SLC30A8: variants seen among roughly 807,000 people sequenced by gnomAD.
SLC30A8 encodes the protein proton-coupled zinc antiporter SLC30A8.
Under a neutral mutation model 36.9 loss-of-function variants are expected in SLC30A8, and 27 were observed. That is an observed-to-expected ratio of 0.73 (90% CI 0.54 to 1.01). The LOEUF (loss-of-function observed/expected upper bound fraction) is 1.01, where lower values mean the gene tolerates loss of function less well. Ranked by LOEUF, SLC30A8 falls within the 50% of genes least tolerant of loss-of-function variation. SLC30A8 has a pLI of 0.00. For missense variants in SLC30A8, 439 were observed against 452.0 expected (o/e 0.97, Z 0.26); for synonymous variants, 164 against 172.4 (o/e 0.95, Z 0.38).
intron 2 of SLC30A8, among the ~76,000 whole-genome samples, chr8:117,095,189 C>T (rs1387772357): frequency 2.0e-5 from 3 of 152,184 alleles, no homozygotes; most frequent in African/African-American, 7.2e-5. Context: ...AGCACAGAGC[C>T]CTGGCTGTAC....
chr8:116,981,980 G>A (rs1476189155), intron 1 of SLC30A8, among the ~76,000 whole-genome samples: 3 of 152,110 alleles, frequency 2.0e-5, no homozygotes, highest in Non-Finnish European at 4.4e-5. Flanking sequence ...TGAGTTCTTT[G>A]AGAAATTGTT....
chr8:116,955,301 C>T (rs1387366700), intron 1 of SLC30A8, among the ~76,000 whole-genome samples: 1 of 152,076 alleles, frequency 6.6e-6, no homozygotes, highest in Non-Finnish European at 1.5e-5. Context: ...GACTAGTGTC[C>T]TTCTAAGAAG....
Position 117,172,908 on chromosome 8 carries a change from T to C in SLC30A8, c.*227T>C. 1.8e-6 allele frequency: 1 copy of C among 565,548 alleles called. No individual in the cohort carries two copies. The allele number at this position is 565,548 out of a possible 1,614,324, so 35.0% of individuals were successfully genotyped here. A position where few individuals can be genotyped will look rare whatever the true frequency, so the allele number is the denominator to read the frequency against. The stretch of plus-strand genomic sequence containing the variant: ...CAGTAGCTGTGTTCAATTGCAGGAA[T>C]GTGTATATAGATTATTCCTGAGTGG... On this transcript the variant is annotated 3_prime_UTR_variant, in exon 8 of 8. Coordinates refer to ENST00000456015, the MANE Select transcript of SLC30A8 (RefSeq NM_173851.3).
chr8:117,121,178 A>G (rs746706304), intron 2 of SLC30A8, among the ~76,000 whole-genome samples: 4 of 151,956 alleles, frequency 2.6e-5, no homozygotes, highest in African/African-American at 9.7e-5. Context: ...TATCTCAAAG[A>G]ATATTTGCAT....
At chr8:117,002,052 AC>A (rs1295656421) in intron 1 of SLC30A8, among the ~76,000 whole-genome samples, 1 of 152,180 alleles carries the variant, frequency 6.6e-6, no homozygotes, top group African/African-American at 2.4e-5. Flanking sequence ...TAGGGCTCAG[AC>A]CTTTGTCTGC....
At chr8:117,105,509 G>T (rs539416188) in intron 2 of SLC30A8, among the ~76,000 whole-genome samples, 2 of 152,148 alleles carry the variant, frequency 1.3e-5, no homozygotes, top group South Asian at 4.2e-4. Context: ...GTATATTAAC[G>T]AATACGCATA....
At chr8:117,014,149 A>T (rs949601134) in intron 1 of SLC30A8, among the ~76,000 whole-genome samples, 6 of 152,196 alleles carry the variant, frequency 3.9e-5, no homozygotes, top group Non-Finnish European at 8.8e-5. Context: ...ATAGGGGCAC[A>T]TGAATGCTGA....
chr8:116,977,410 C>A (rs1328931989), intron 1 of SLC30A8, among the ~76,000 whole-genome samples: 2 of 151,428 alleles, frequency 1.3e-5, no homozygotes, highest in Admixed American at 6.6e-5. Context: ...GCCTCCACCT[C>A]CCAAAGTATT....
chr8:117,096,040 C>A (rs1819346735), intron 2 of SLC30A8, among the ~76,000 whole-genome samples: 1 of 152,104 alleles, frequency 6.6e-6, no homozygotes. Flanking sequence ...TTGTTGGGCT[C>A]ACCTTTTCAT....
chr8:117,164,834 A>T (rs1822981315), intron 6 of SLC30A8, among the ~76,000 whole-genome samples: 1 of 152,022 alleles, frequency 6.6e-6, no homozygotes, highest in Non-Finnish European at 1.5e-5. Context: ...ATTATCCTTG[A>T]CTACTCTCCT....
chr8:117,022,269 T>A (rs1816723196), intron 1 of SLC30A8, among the ~76,000 whole-genome samples: 1 of 152,112 alleles, frequency 6.6e-6, no homozygotes. Flanking sequence ...ATGGATAAAA[T>A]TTTTTTAAAC....
At chr8:117,022,984 A>G (rs1816751690) in intron 1 of SLC30A8, among the ~76,000 whole-genome samples, 1 of 152,228 alleles carries the variant, frequency 6.6e-6, no homozygotes, top group African/African-American at 2.4e-5. Context: ...TCATCTGACA[A>G]AGGGCTAATA....
intron 2 of SLC30A8, among the ~76,000 whole-genome samples, chr8:117,070,860 T>C (rs1818309108): frequency 6.6e-6 from 1 of 152,208 alleles, no homozygotes; most frequent in Non-Finnish European, 1.5e-5. Context: ...GGCTGTCTTA[T>C]TTACTTAGCA....
At chr8:117,016,915 A>G (rs533781940) in intron 1 of SLC30A8, among the ~76,000 whole-genome samples, 39 of 152,224 alleles carry the variant, frequency 2.6e-4, no homozygotes, top group Middle Eastern at 3.4e-3. Flanking sequence ...GTTATGTTAT[A>G]TTCATCTAGC....
Position 117,012,724 on chromosome 8 carries a change from T to TACACACACACACACAC in SLC30A8, c.-265-26474_-265-26459dup, listed in dbSNP as rs376889831. 6.0e-3 allele frequency among the ~76,000 whole-genome samples: 762 copies of TACACACACACACACAC among 126,366 alleles called. 11 individuals are homozygous for TACACACACACACACAC. Among genetic ancestry groups the TACACACACACACACAC allele is most frequent in the African/African-American group, 0.019 (645 of 34,368 alleles). The allele number at this position is 126,366 out of a possible 152,430, so 82.9% of individuals were successfully genotyped here. ...TTGTGCATGTACATAGACATATGTA[T>TACACACACACACACAC]ACACACACACACACACACACACACA... On this transcript the variant is annotated intron_variant, in intron 1 of 10. Coordinates refer to the SLC30A8 transcript ENST00000427715.
intron 2 of SLC30A8, among the ~76,000 whole-genome samples, chr8:117,087,132 G>A (rs1818910787): frequency 2.0e-5 from 3 of 152,152 alleles, no homozygotes; most frequent in South Asian, 2.1e-4. Context: ...TAGGGATATG[G>A]TAGCTTTGAA....
At chr8:117,059,156 A>G (rs1161604484) in intron 2 of SLC30A8, among the ~76,000 whole-genome samples, 1 of 152,224 alleles carries the variant, frequency 6.6e-6, no homozygotes, top group Non-Finnish European at 1.5e-5. Context: ...GTTTGAATTT[A>G]CAGACATTTC....
chr8:117,160,439 GCACA>G (rs751793895), intron 4 of SLC30A8, among the ~76,000 whole-genome samples: 16,813 of 147,018 alleles, frequency 0.11, 2,110 homozygotes, highest in African/African-American at 0.31. Flanking sequence ...GTGTGTGCGC[GCACA>G]TGTGCGCGCG....
chr8:117,089,599 GA>G (rs1819023398), intron 2 of SLC30A8, among the ~76,000 whole-genome samples: 1 of 152,124 alleles, frequency 6.6e-6, no homozygotes, highest in African/African-American at 2.4e-5. Context: ...TATCTCTGAT[GA>G]CAATCTGGAT....
Sources: allele counts gnomAD v4.1 joint callset (sites outside exome capture counted in the v4.1 genomes callset), GRCh38; gene constraint gnomAD v4.1.1; transcripts MANE v1.5; gene names NCBI Gene and HGNC (gene_info 2026-07-23, HGNC 2026-07-21).